TF: variants seen among roughly 807,000 people sequenced by gnomAD.
TF encodes serotransferrin.
Under a neutral mutation model 82.4 loss-of-function variants are expected in TF, and 55 were observed. That is an observed-to-expected ratio of 0.67 (90% CI 0.54 to 0.84). The LOEUF is 0.84. Ranked by LOEUF, TF falls within the 40% of genes least tolerant of loss-of-function variation. The pLI is 0.00. For missense variants in TF, 737 were observed against 868.4 expected, an observed-to-expected ratio of 0.85 and a Z score of 1.90; for synonymous variants, 332 against 332.6, an observed-to-expected ratio of 1.00 and a Z score of 0.02.
chr3:133,764,882 T>A lies in TF; in HGVS notation c.1305T>A (p.Asp435Glu). ...PVLAENYNKSDNCEDTPEAGY... is the reference protein window; with the variant it reads ...PVLAENYNKSENCEDTPEAGY... ...TTTTCTTTTCTCCTGCAGAGAGCGA[T>A]AATTGTGAGGATACACCAGAGGCAG... is the stretch of plus-strand genomic sequence containing the variant. Residue 435 changes from aspartate to glutamate, a missense_variant, in exon 11 of 17, where the codon GAT (aspartate) becomes GAA (glutamate). By Grantham distance (45) the Asp-to-Glu change is conservative. Coordinates refer to ENST00000402696, the MANE Select transcript of TF (RefSeq NM_001063.4). 6.2e-7 allele frequency: 1 copy of A among 1,614,004 alleles called. No homozygotes were observed. The highest frequency in any genetic ancestry group is 8.5e-7 in the Non-Finnish European group (1 of 1,179,886).
chr3:133,726,007 C>T, the TF span, among the ~76,000 whole-genome samples: 3 of 152,114 alleles, frequency 2.0e-5, no homozygotes, highest in African/African-American at 7.2e-5. Context: ...GGGATGAAGC[C>T]CACTTGATCA....
rs367874174 is a variant in TF at position 133,754,709 on chromosome 3, C to T, written c.502+38C>T. ...GAGTCTGGGTGCCCTCGAGCAGCTG[C>T]CTCTGCTCCAGATGCCCACACAGGC... On this transcript the variant is annotated intron_variant, in intron 4 of 16. Coordinates refer to ENST00000402696, the MANE Select transcript of TF (RefSeq NM_001063.4). 2.7e-5 allele frequency: 44 copies of T among 1,609,570 alleles called. No individual in the cohort carries two copies. In the African/African-American group the frequency reaches 4.7e-4, roughly 17 times the overall value.
At chr3:133,682,752 C>CG in the TF span, among the ~76,000 whole-genome samples, 2 of 92,092 alleles carry the variant, frequency 2.2e-5, no homozygotes, top group African/African-American at 1.3e-4. Flanking sequence ...CTGAAAGTGA[C>CG]GGGGAGTGGA....
chr3:133,725,609 C>G, the TF span, among the ~76,000 whole-genome samples: 531 of 151,914 alleles, frequency 3.5e-3, 6 homozygotes, highest in African/African-American at 0.012. Context: ...CAAACAGGGA[C>G]AATTTGACTT....
intron 7 of TF, 136 bp from the exon 8 acceptor site, chr3:133,757,633 G>C: frequency 2.4e-6 from 2 of 819,294 alleles, no homozygotes; most frequent in South Asian, 1.5e-5. Context: ...AGCAGGAGCA[G>C]GTCCGACTGC....
the TF span, among the ~76,000 whole-genome samples, chr3:133,729,648 A>G: frequency 7.2e-5 from 11 of 152,278 alleles, no homozygotes; most frequent in African/African-American, 2.6e-4. Context: ...CGGCTCGTGC[A>G]CAGTGCGCTG....
Position 133,775,737 on chromosome 3 carries a change from A to G in TF, c.1872+120A>G, listed in dbSNP as rs1043921636. The G allele has an allele frequency of 1.4e-4, 148 of 1,030,360 alleles. No homozygotes were observed. In the East Asian group the frequency reaches 3.6e-3, roughly 25 times the overall value. The allele number at this position is 1,030,360 out of a possible 1,614,324, so 63.8% of individuals were successfully genotyped here. A position where few individuals can be genotyped will look rare whatever the true frequency, so the allele number is the denominator to read the frequency against. Reference sequence around the variant, plus strand: ...CTTTCTTTTTGAAAACTAGAATTCCATGCATTGTGCATTTCATGCCATGCA... The same window carrying G: ...CTTTCTTTTTGAAAACTAGAATTCCGTGCATTGTGCATTTCATGCCATGCA... On this transcript the variant is annotated intron_variant, in intron 15 of 16. Coordinates refer to ENST00000402696, the MANE Select transcript of TF (RefSeq NM_001063.4).
Position 133,756,922 on chromosome 3 carries a change from C to A in TF, c.783C>A (p.His261Gln). ...CGGTAGATGAATACAAGGACTGCCA[C>A]TTGGCCCAGGTCCCTTCTCATACCG... The part of the protein sequence containing the change: ...RKPVDEYKDC[H>Q]LAQVPSHTVV... Residue 261 changes from histidine to glutamine, a missense_variant, in exon 7 of 17, where the codon CAC (histidine) becomes CAA (glutamine). Physicochemically the swap from His to Gln is conservative, Grantham distance 24. Transcript: ENST00000402696. 1 of 1,614,236 alleles carries A rather than the reference C, an allele frequency of 6.2e-7. No individual in the cohort carries two copies. Among genetic ancestry groups the A allele is most frequent in the East Asian group, 2.2e-5 (1 of 44,884 alleles).
chr3:133,726,400 T>C, the TF span, among the ~76,000 whole-genome samples: 32 of 151,146 alleles, frequency 2.1e-4, no homozygotes, highest in South Asian at 1.3e-3. Context: ...GTGTATGTGT[T>C]GAGGAATTTA....
At chr3:133,664,157 T>G in the TF span, among the ~76,000 whole-genome samples, 1 of 152,174 alleles carries the variant, frequency 6.6e-6, no homozygotes, top group East Asian at 1.9e-4. Context: ...ATCTGTGCCC[T>G]TCAGGTGATT....
At chr3:133,725,784 G>A in the TF span, among the ~76,000 whole-genome samples, 1 of 151,964 alleles carries the variant, frequency 6.6e-6, no homozygotes, top group Non-Finnish European at 1.5e-5. Flanking sequence ...TATGATATTG[G>A]CTGTGGGTTT....
rs1184659038 is a variant in TF, at chr3:133,746,394, C to T, written c.-47C>T. Reference sequence around the variant, plus strand: ...GGGACGCGGGGCGCCGGAGGCTGCACAGAAGCGAGTCCGACTGTGCTCGCT... The same window carrying T: ...GGGACGCGGGGCGCCGGAGGCTGCATAGAAGCGAGTCCGACTGTGCTCGCT... On this transcript the variant is annotated 5_prime_UTR_variant, in exon 1 of 17. Transcript: ENST00000402696. 1 of 1,574,340 alleles carries T rather than the reference C, an allele frequency of 6.4e-7. No individual in the cohort carries two copies.
chr3:133,705,492 A>G, the TF span, among the ~76,000 whole-genome samples: 1 of 152,296 alleles, frequency 6.6e-6, no homozygotes, highest in East Asian at 1.9e-4. Flanking sequence ...CCCTTCAATG[A>G]GCACCTCCAC....
chr3:133,788,419 G>A lies in TF; in HGVS notation c.*9799G>A, dbSNP rs1475830716. ...TGGGCTCTTGAGCCCCTAAGCACAG[G>A]CCTTCTCCCACCCTGTGGAGCGTAC... On this transcript the variant is annotated 3_prime_UTR_variant, in exon 17 of 17. Coordinates refer to ENST00000402696, the MANE Select transcript of TF (RefSeq NM_001063.4). 1 of 152,182 alleles carries A rather than the reference G, an allele frequency of 6.6e-6. No individual in the cohort carries two copies. Among genetic ancestry groups the A allele is most frequent in the Non-Finnish European group, 1.5e-5 (1 of 68,038 alleles). 9.4% of individuals were successfully genotyped at this position (152,182 alleles called of 1,614,324 possible).
intron 5 of TF, chr3:133,755,858 AC>A (rs932454343): frequency 1.6e-5 from 7 of 440,106 alleles, no homozygotes; most frequent in African/African-American, 1.2e-4. Context: ...CAGCAGTGTT[AC>A]CTGCTCAGCA....
chr3:133,720,754 T>C, the TF span, among the ~76,000 whole-genome samples: 1 of 152,164 alleles, frequency 6.6e-6, no homozygotes, highest in Non-Finnish European at 1.5e-5. Context: ...AGATTTTTTA[T>C]TACTGATTCA....
intron 9 of TF, chr3:133,762,495 A>G (rs1290548439): frequency 6.6e-6 from 1 of 152,122 alleles, no homozygotes; most frequent in African/African-American, 2.4e-5. Context: ...GTATGTTATA[A>G]TTGTTTTATT....
At chr3:133,759,750 G>A (rs994404241) in intron 9 of TF, among the ~76,000 whole-genome samples, 3 of 152,300 alleles carry the variant, frequency 2.0e-5, no homozygotes, top group Admixed American at 6.5e-5. Context: ...CAGCTACTTC[G>A]AAAGCTGAGG....
At chr3:133,674,920 G>C in the TF span, among the ~76,000 whole-genome samples, 1 of 152,120 alleles carries the variant, frequency 6.6e-6, no homozygotes, top group South Asian at 2.1e-4. Flanking sequence ...TATACACCCA[G>C]ATGAGAGAAT....
Sources: gnomAD v4.1 joint callset for allele counts (sites outside exome capture counted in the v4.1 genomes callset) on GRCh38, gnomAD v4.1.1 for gene constraint, MANE v1.5 for transcripts, NCBI Gene and HGNC (gene_info 2026-07-23, HGNC 2026-07-21) for gene names.